Variants in BMS1 observed in about 807,000 individuals in gnomAD.
The protein encoded by BMS1 is BMS1 ribosome biogenesis factor, also known as ribosome biogenesis protein BMS1 homolog.
A neutral mutation model predicts 138.7 loss-of-function variants in BMS1; 53 were observed. The ratio of observed to expected loss-of-function variants is 0.38; its 90% CI spans 0.31 to 0.48. The LOEUF is 0.48. Ranked by LOEUF, BMS1 falls within the 20% of genes least tolerant of loss-of-function variation. The pLI, the probability that BMS1 is intolerant of heterozygous loss-of-function variation, is 0.97. For synonymous variants in BMS1, 504 were observed against 539.9 expected (o/e 0.93, Z 0.92); for missense variants, 1,360 against 1,565.5 (o/e 0.87, Z 2.22).
intron 3 of BMS1, 129 bp from the exon 4 acceptor site, chr10:42,787,039 C>T: frequency 1.4e-6 from 1 of 722,166 alleles, no homozygotes; most frequent in Non-Finnish European, 2.4e-6. Context: ...TAAAAATGAA[C>T]TTCTTGTATG....
chr10:42,807,587 C>T (rs1025549606), intron 13 of BMS1, among the ~76,000 whole-genome samples: 5 of 152,150 alleles, frequency 3.3e-5, no homozygotes, highest in African/African-American at 1.2e-4. Flanking sequence ...CTTCCCACAT[C>T]AGCACCCCCA....
chr10:42,803,849 G>A (rs1416859497), intron 13 of BMS1, among the ~76,000 whole-genome samples: 2 of 152,094 alleles, frequency 1.3e-5, no homozygotes, highest in Non-Finnish European at 2.9e-5. Context: ...TCAAAATAAT[G>A]AACACATTTG....
intron 5 of BMS1, among the ~76,000 whole-genome samples, chr10:42,790,716 G>A (rs112033295): frequency 2.0e-5 from 3 of 152,184 alleles, no homozygotes; most frequent in African/African-American, 7.2e-5. Context: ...CCGGTGTGGT[G>A]GCGTGCGCCT....
In BMS1 at chr10:42,830,407, G is replaced by T; in HGVS notation, c.3603G>T (p.Glu1201Asp). ...KDRRRPAVIR[E>D]PHERKILALL... is the part of the protein sequence containing the mutation. ...GGCGGAGACCGGCCGTCATACGCGA[G>T]CCTCATGAAAGAAAGGTACTGTTGC... The change falls in exon 22 of 23, where the codon GAG (glutamate) becomes GAT (aspartate). Residue 1201 changes from glutamate to aspartate, a missense_variant. This residue lies in a region of BMS1 where 425 missense variants were observed against 568.3 expected (regional missense o/e 0.75). Coordinates refer to ENST00000374518, the MANE Select transcript of BMS1 (RefSeq NM_014753.4). 1 of 1,607,878 alleles carries T rather than the reference G, an allele frequency of 6.2e-7. No homozygotes were observed. The highest frequency in any genetic ancestry group is 8.5e-7 in the Non-Finnish European group (1 of 1,178,650).
At chr10:42,828,706 CA>C in intron 21 of BMS1, among the ~76,000 whole-genome samples, 1 of 152,164 alleles carries the variant, frequency 6.6e-6, no homozygotes, top group East Asian at 1.9e-4. Flanking sequence ...ATTCTCTTCA[CA>C]GCTTAACAAT....
rs932436097 is a variant in BMS1 at position 42,831,192 on chromosome 10, G to C, written c.*96G>C. The C allele has an allele frequency of 2.4e-6, 3 of 1,246,362 alleles. No homozygotes were observed. The highest frequency in any genetic ancestry group is 5.1e-5 in the Admixed American group (2 of 39,126). The allele number at this position is 1,246,362 out of a possible 1,614,324, so 77.2% of individuals were successfully genotyped here. On this transcript the variant is annotated 3_prime_UTR_variant, in exon 23 of 23. Coordinates refer to ENST00000374518, the MANE Select transcript of BMS1 (RefSeq NM_014753.4). The stretch of plus-strand genomic sequence containing the variant: ...CTGTGAATGACAAGTCAGTGGGAAA[G>C]AGCTCAAGAGATGTCTCTACTCAAA...
Position 42,830,291 on chromosome 10 carries a change from T to C in BMS1, c.3487T>C (p.Ser1163Pro). 6.2e-7 allele frequency: 1 copy of C among 1,613,586 alleles called. No homozygotes were observed. The highest frequency in any genetic ancestry group is 8.5e-7 in the Non-Finnish European group (1 of 1,179,938). ...PILRQKKHFN[S>P]LHIPKALQKA... ...CCTGAGGCAAAAGAAACATTTTAAT[T>C]CACTGCACATTCCAAAAGCCTTGCA... The change falls in exon 22 of 23, where the codon TCA (serine) becomes CCA (proline). Residue 1163 changes from serine (S) to proline (P), a missense_variant. Physicochemically the swap from Ser to Pro is moderately conservative, Grantham distance 74. This residue lies in a region of BMS1 where 425 missense variants were observed against 568.3 expected (regional missense o/e 0.75). Transcript: ENST00000374518.
At position 42,820,987 on chromosome 10, in the gene BMS1, A is replaced by G. The variant is rs765331217; in HGVS notation, c.3004A>G (p.Ile1002Val). 3.2e-6 allele frequency: 5 copies of G among 1,581,314 alleles called. No homozygotes were observed. The highest frequency in any genetic ancestry group is 1.1e-5 in the South Asian group (1 of 90,584). Residue 1002 changes from isoleucine (I) to valine (V), a missense_variant, in exon 18 of 23, where the codon ATA becomes GTA. This residue lies in a region of BMS1 where 425 missense variants were observed against 568.3 expected (regional missense o/e 0.75). Coordinates refer to ENST00000374518, the MANE Select transcript of BMS1 (RefSeq NM_014753.4). ...GFLAIQSVSG[I>V]MPDFRIAATG... ...CTTGGCAATACAGTCTGTCAGTGGC[A>G]TAATGGTAACTATCTTGGATGATTT... is the stretch of plus-strand genomic sequence containing the variant.
chr10:42,828,614 T>G (rs988947620), intron 21 of BMS1, among the ~76,000 whole-genome samples: 2 of 141,758 alleles, frequency 1.4e-5, no homozygotes, highest in South Asian at 2.6e-4. Flanking sequence ...GCCTCTTCAG[T>G]TTTTTTTTTT....
intron 12 of BMS1, among the ~76,000 whole-genome samples, chr10:42,798,973 C>T (rs1841787895): frequency 6.6e-6 from 1 of 152,200 alleles, no homozygotes; most frequent in Non-Finnish European, 1.5e-5. Context: ...TTTATAGTTT[C>T]TGCTATTTGT....
At chr10:42,811,902 A>T (rs1170072222) in intron 13 of BMS1, among the ~76,000 whole-genome samples, 2 of 152,096 alleles carry the variant, frequency 1.3e-5, no homozygotes, top group Non-Finnish European at 2.9e-5. Context: ...TGTTGTTTTA[A>T]TTATCAAGTA....
rs140702625 is a variant in BMS1, at chr10:42,794,122, T to C, written c.1229+131T>C. On this transcript the variant is annotated intron_variant, in intron 9 of 22. Coordinates refer to ENST00000374518, the MANE Select transcript of BMS1 (RefSeq NM_014753.4). The stretch of plus-strand genomic sequence containing the variant: ...TGTTTTGTTTTTCTTTGTGTGTGCA[T>C]GTGTCTCTGAGGGCTCTTCACTTAC... 1,015 of 1,034,670 alleles carry C rather than the reference T, an allele frequency of 9.8e-4. 11 individuals are homozygous for C. The African/African-American group carries it at 0.015, about 15-fold the overall frequency. 64.1% of individuals were successfully genotyped at this position (1,034,670 alleles called of 1,614,324 possible).
In BMS1 at chr10:42,829,132, C is replaced by T. The variant is rs1388691926; in HGVS notation, c.3457-1129C>T. 2.6e-5 allele frequency among the ~76,000 whole-genome samples: 4 copies of T among 152,098 alleles called. No individual in the cohort carries two copies. In the East Asian group the frequency reaches 7.7e-4, roughly 29 times the overall value. Reference sequence around the variant, plus strand: ...TTATGAGGCAGTTAAGAATTTGGGTCATCCTCCGTCTCCACTAAAAATACA... The same window carrying T: ...TTATGAGGCAGTTAAGAATTTGGGTTATCCTCCGTCTCCACTAAAAATACA... On this transcript the variant is annotated intron_variant, in intron 21 of 22. Transcript: ENST00000374518.
At chr10:42,806,737 GAAAAAA>G (rs35466848) in intron 13 of BMS1, among the ~76,000 whole-genome samples, 6 of 99,420 alleles carry the variant, frequency 6.0e-5, no homozygotes, top group African/African-American at 1.7e-4. Context: ...TCCGTCTCAG[GAAAAAA>G]AAAAAAAAAA....
At chr10:42,805,927 G>A (rs903768555) in intron 13 of BMS1, among the ~76,000 whole-genome samples, 4 of 152,142 alleles carry the variant, frequency 2.6e-5, no homozygotes, top group Non-Finnish European at 4.4e-5. Context: ...AGCCTCGTGA[G>A]TAGCTGAGAT....
chr10:42,785,205 A>G (rs10900268), intron 2 of BMS1, among the ~76,000 whole-genome samples: 55,626 of 152,038 alleles, frequency 0.37, 10,857 homozygotes, highest in East Asian at 0.64. Flanking sequence ...AAACAGTCAG[A>G]TTTAAGGAGT....
At chr10:42,817,936 C>A (rs1483417306) in intron 15 of BMS1, among the ~76,000 whole-genome samples, 1 of 152,160 alleles carries the variant, frequency 6.6e-6, no homozygotes, top group Non-Finnish European at 1.5e-5. Flanking sequence ...GAAAACTCAT[C>A]CTGGTCAGAG....
At chr10:42,822,577 T>C (rs1453743712) in intron 19 of BMS1, among the ~76,000 whole-genome samples, 1 of 152,200 alleles carries the variant, frequency 6.6e-6, no homozygotes, top group African/African-American at 2.4e-5. Context: ...TGCAGACAAC[T>C]TGGCAAGGTT....
rs747403053 is a variant in BMS1 at position 42,785,685 on chromosome 10, A to C, written c.367+13A>C. ...ACGATTGTGTCAGGTAGGAGATGCC[A>C]CCACAGACACAGAGTTGGCGTGGCT... On this transcript the variant is annotated intron_variant, in intron 3 of 22. Coordinates refer to ENST00000374518, the MANE Select transcript of BMS1 (RefSeq NM_014753.4). The C allele has an allele frequency of 9.9e-6, 16 of 1,610,974 alleles. No homozygotes were observed. The highest frequency in any genetic ancestry group is 1.3e-5 in the African/African-American group (1 of 74,878).
Sources: gnomAD v4.1 joint callset for allele counts (sites outside exome capture counted in the v4.1 genomes callset) on GRCh38, gnomAD v4.1.1 for gene constraint, gnomAD v4.1.1 regional missense constraint, MANE v1.5 for transcripts, NCBI Gene and HGNC (gene_info 2026-07-23, HGNC 2026-07-21) for gene names.